HS2ST1: variants seen among roughly 807,000 people sequenced by gnomAD.
The protein encoded by HS2ST1 is heparan sulfate 2-O-sulfotransferase 1, also known as 2-O-sulfotransferase.
In HS2ST1, 18 loss-of-function variants were observed where a neutral mutation model predicts 42.9. The observed-to-expected ratio is 0.42, with a 90% confidence interval of 0.29 to 0.62. The LOEUF is 0.62. Ranked by LOEUF, HS2ST1 falls within the 20% of genes least tolerant of loss-of-function variation. The probability of loss-of-function intolerance (pLI) is 0.21; values close to 1 mark genes in which losing one functional copy is unlikely to be tolerated. For synonymous variants in HS2ST1, 146 were observed against 152.9 expected (o/e 0.95, Z 0.33); for missense variants, 334 against 433.8 (o/e 0.77, Z 2.04).
chr1:87,028,712 A>G (rs1452465230), intron 1 of HS2ST1, among the ~76,000 whole-genome samples: 3 of 152,364 alleles, frequency 2.0e-5, no homozygotes, highest in East Asian at 1.9e-4. Context: ...GAATAGCAAC[A>G]TATTCCTAAA....
At chr1:86,970,119 C>G (rs1470564926) in intron 1 of HS2ST1, among the ~76,000 whole-genome samples, 1 of 144,686 alleles carries the variant, frequency 6.9e-6, no homozygotes, top group African/African-American at 2.6e-5. Flanking sequence ...GAGTGAAACT[C>G]CATCTCAAAA....
intron 1 of HS2ST1, among the ~76,000 whole-genome samples, chr1:86,916,232 G>A (rs981654896): frequency 6.6e-6 from 1 of 152,158 alleles, no homozygotes; most frequent in Non-Finnish European, 1.5e-5. Flanking sequence ...AGCTCAAGAG[G>A]ATGTAATTTG....
chr1:87,007,036 G>A (rs552024209), intron 1 of HS2ST1, among the ~76,000 whole-genome samples: 1 of 152,000 alleles, frequency 6.6e-6, no homozygotes, highest in South Asian at 2.1e-4. Flanking sequence ...TAGGAAGAAG[G>A]GTCAATTTTT....
chr1:86,986,920 C>T (rs534486633), intron 1 of HS2ST1, among the ~76,000 whole-genome samples: 4 of 152,176 alleles, frequency 2.6e-5, no homozygotes, highest in African/African-American at 9.6e-5. Flanking sequence ...AATAATAACA[C>T]CACCTAACTG....
chr1:86,984,053 A>AT (rs372030517), intron 1 of HS2ST1, among the ~76,000 whole-genome samples: 3 of 151,562 alleles, frequency 2.0e-5, no homozygotes, highest in Non-Finnish European at 4.4e-5. Flanking sequence ...AAAAAAAAAA[A>AT]TTTCAACTTA....
At chr1:87,097,220 G>A (rs753852332) in intron 4 of HS2ST1, among the ~76,000 whole-genome samples, 5 of 152,126 alleles carry the variant, frequency 3.3e-5, no homozygotes, top group Non-Finnish European at 5.9e-5. Flanking sequence ...GCTACTTCAG[G>A]AAGTTTTCAC....
chr1:86,965,545 C>T (rs529080914), intron 1 of HS2ST1, among the ~76,000 whole-genome samples: 3 of 152,074 alleles, frequency 2.0e-5, no homozygotes, highest in South Asian at 2.1e-4. Context: ...AGCCTGGCTG[C>T]GTATTAGAAT....
intron 1 of HS2ST1, among the ~76,000 whole-genome samples, chr1:87,060,767 G>C (rs1242118619): frequency 6.6e-6 from 1 of 152,080 alleles, no homozygotes; most frequent in Non-Finnish European, 1.5e-5. Flanking sequence ...CTGTAGAAAA[G>C]TATAGCCATA....
Position 87,097,832 on chromosome 1 carries a change from T to C in HS2ST1, c.589-6T>C. On this transcript the variant is annotated splice_region_variant and splice_polypyrimidine_tract_variant and intron_variant, in intron 4 of 6. Coordinates refer to ENST00000370550, the MANE Select transcript of HS2ST1 (RefSeq NM_012262.4). ...GCTTACCCGTGCTGCTTTGTCTTTGTTCTAGACCTTTGATGAATGTGTAGC... is the reference window on the plus strand; with the variant it reads ...GCTTACCCGTGCTGCTTTGTCTTTGCTCTAGACCTTTGATGAATGTGTAGC... 6.2e-7 allele frequency: 1 copy of C among 1,614,028 alleles called. No homozygotes were observed.
At chr1:87,068,840 G>A (rs1417453655) in intron 1 of HS2ST1, among the ~76,000 whole-genome samples, 1 of 152,114 alleles carries the variant, frequency 6.6e-6, no homozygotes, top group African/African-American at 2.4e-5. Context: ...TAGAAAATAT[G>A]TATTTTTTAT....
intron 1 of HS2ST1, among the ~76,000 whole-genome samples, chr1:86,940,586 AT>A (rs1182885962): frequency 6.6e-6 from 1 of 152,228 alleles, no homozygotes; most frequent in Non-Finnish European, 1.5e-5. Flanking sequence ...ACTCAGAATA[AT>A]TTATGTCACC....
chr1:87,050,105 C>A (rs1650796134), intron 1 of HS2ST1, among the ~76,000 whole-genome samples: 1 of 151,536 alleles, frequency 6.6e-6, no homozygotes, highest in South Asian at 2.1e-4. Context: ...TTTTCTCATC[C>A]TTTTGCTTTT....
intron 1 of HS2ST1, among the ~76,000 whole-genome samples, chr1:86,971,559 G>C (rs1648234328): frequency 6.6e-6 from 1 of 152,172 alleles, no homozygotes; most frequent in South Asian, 2.1e-4. Flanking sequence ...CTATGAAGAT[G>C]TGGAATTTGA....
chr1:87,046,646 C>G lies in HS2ST1; in HGVS notation c.125-26288C>G, dbSNP rs142478805. 305 of 1,536,816 alleles carry G rather than the reference C, an allele frequency of 2.0e-4. No individual in the cohort carries two copies. The African/African-American group carries it at 4.1e-3, about 20-fold the overall frequency. On this transcript the variant is annotated intron_variant, in intron 1 of 6. Transcript: ENST00000370550. The stretch of plus-strand genomic sequence containing the variant: ...AGGAGAAGAAACGAATGCATCAGAT[C>G]AACAGAATGAACCCCAGTTAGGCCT...
At chr1:87,007,503 G>A (rs551340861) in intron 1 of HS2ST1, among the ~76,000 whole-genome samples, 9 of 152,148 alleles carry the variant, frequency 5.9e-5, no homozygotes, top group Middle Eastern at 3.4e-3. Flanking sequence ...GCATTATATT[G>A]GTAATTATAC....
chr1:87,059,339 T>G (rs1411101191), intron 1 of HS2ST1, among the ~76,000 whole-genome samples: 4 of 152,218 alleles, frequency 2.6e-5, no homozygotes, highest in Non-Finnish European at 4.4e-5. Context: ...AGGCTGAACT[T>G]ACTCAGTGTA....
intron 3 of HS2ST1, among the ~76,000 whole-genome samples, chr1:87,088,050 T>C (rs1180643172): frequency 2.0e-5 from 3 of 152,110 alleles, no homozygotes; most frequent in African/African-American, 7.2e-5. Flanking sequence ...ATGGAGCACT[T>C]AGTTCTGTGC....
intron 1 of HS2ST1, among the ~76,000 whole-genome samples, chr1:87,042,800 T>C (rs990907612): frequency 1.3e-5 from 2 of 152,160 alleles, no homozygotes. Flanking sequence ...TATTTTGTAA[T>C]TCTGTATGTC....
At chr1:87,010,143 G>A (rs550260484) in intron 1 of HS2ST1, among the ~76,000 whole-genome samples, 1 of 152,200 alleles carries the variant, frequency 6.6e-6, no homozygotes, top group South Asian at 2.1e-4. Flanking sequence ...ATGAAAGCAA[G>A]AAATGTAAGC....
Sources: allele counts gnomAD v4.1 joint callset (sites outside exome capture counted in the v4.1 genomes callset), GRCh38; gene constraint gnomAD v4.1.1; transcripts MANE v1.5; gene names NCBI Gene and HGNC (gene_info 2026-07-23, HGNC 2026-07-21).